UBR1: variants seen among roughly 807,000 people sequenced by gnomAD.
UBR1 encodes ubiquitin protein ligase E3 component n-recognin 1, also known as E3 ubiquitin-protein ligase UBR1.
UBR1 carries 102 observed loss-of-function variants against 242.1 expected under a neutral mutation model. That is an observed-to-expected ratio of 0.42 (90% CI 0.36 to 0.50). The LOEUF (loss-of-function observed/expected upper bound fraction) is 0.50, where lower values mean the gene tolerates loss of function less well. Among genes scored for constraint, UBR1 ranks in the 20% least tolerant of loss-of-function variants. The pLI, the probability that UBR1 is intolerant of heterozygous loss-of-function variation, is 0.01. For synonymous variants in UBR1, 675 were observed against 684.8 expected (o/e 0.99, Z 0.22); for missense variants, 1,772 against 2,101.8 (o/e 0.84, Z 3.07).
intron 1 of UBR1, among the ~76,000 whole-genome samples, chr15:43,099,064 C>T (rs893911381): frequency 2.6e-5 from 4 of 152,130 alleles, no homozygotes; most frequent in Non-Finnish European, 4.4e-5. Flanking sequence ...AGCCCAGGCA[C>T]GGTGGCTCAC....
chr15:43,006,415 C>T (rs1283691750), intron 30 of UBR1, among the ~76,000 whole-genome samples: 1 of 152,112 alleles, frequency 6.6e-6, no homozygotes, highest in Non-Finnish European at 1.5e-5. Context: ...TGTTGTGGAC[C>T]ACAGGCTCAT....
At chr15:43,099,258 A>G in intron 1 of UBR1, among the ~76,000 whole-genome samples, 1 of 151,784 alleles carries the variant, frequency 6.6e-6, no homozygotes, top group East Asian at 1.9e-4. Context: ...AATTGCTTGA[A>G]CCCAGGAGGC....
At chr15:43,029,061 G>T (rs1021697051) in intron 21 of UBR1, among the ~76,000 whole-genome samples, 1 of 151,686 alleles carries the variant, frequency 6.6e-6, no homozygotes, top group Middle Eastern at 3.4e-3. Context: ...CTCCAGCCTG[G>T]GTGACAGAGC....
At chr15:43,015,606 C>G in intron 29 of UBR1, 82 bp downstream of exon 29, 1 of 1,453,670 alleles carries the variant, frequency 6.9e-7, no homozygotes, top group Non-Finnish European at 9.5e-7. Flanking sequence ...CCTGCCAAAT[C>G]CCCCTCTCGG....
intron 5 of UBR1, among the ~76,000 whole-genome samples, chr15:43,070,174 T>C (rs888967571): frequency 2.0e-5 from 3 of 150,944 alleles, no homozygotes; most frequent in African/African-American, 7.3e-5. Context: ...AATTCCTCTT[T>C]GCATTTATAA....
intron 34 of UBR1, 32 bp from the exon 35 acceptor site, chr15:42,988,999 T>C: frequency 6.4e-7 from 1 of 1,556,936 alleles, no homozygotes; most frequent in Non-Finnish European, 8.8e-7. Flanking sequence ...TTGTATGATT[T>C]AGTAAAAGGA....
At chr15:43,102,939 C>A (rs2034256078) in intron 1 of UBR1, among the ~76,000 whole-genome samples, 2 of 152,198 alleles carry the variant, frequency 1.3e-5, no homozygotes, top group Admixed American at 6.5e-5. Context: ...GAGGCCAAGG[C>A]AGATGGATCA....
chr15:42,964,619 T>C (rs1281320073), intron 41 of UBR1, among the ~76,000 whole-genome samples: 24 of 152,210 alleles, frequency 1.6e-4, no homozygotes, highest in Non-Finnish European at 2.9e-5. Context: ...ACAAGGTCCC[T>C]ATCGTGGCCC....
chr15:43,103,470 T>C (rs1198065297), intron 1 of UBR1, among the ~76,000 whole-genome samples: 1 of 152,254 alleles, frequency 6.6e-6, no homozygotes, highest in Non-Finnish European at 1.5e-5. Context: ...TACACCACTA[T>C]TACAGAATCA....
intron 27 of UBR1, among the ~76,000 whole-genome samples, chr15:43,019,581 G>GT (rs1248631700): frequency 0.011 from 1,527 of 135,476 alleles, 31 homozygotes; most frequent in African/African-American, 0.021. Context: ...CTGGCTTCAG[G>GT]TTTTTTTTTT....
At chr15:43,087,980 A>T (rs977586563) in intron 1 of UBR1, among the ~76,000 whole-genome samples, 1 of 152,230 alleles carries the variant, frequency 6.6e-6, no homozygotes, top group African/African-American at 2.4e-5. Context: ...GTATCTGTAT[A>T]TGTTTATATT....
chr15:43,043,444 A>C, intron 14 of UBR1, 49 bp from the exon 15 acceptor site: 1 of 1,590,022 alleles, frequency 6.3e-7, no homozygotes, highest in Middle Eastern at 1.7e-4. Context: ...CTACTTTAAC[A>C]CTTTTTTTGT....
At chr15:43,028,261 A>C (rs2033202446) in intron 21 of UBR1, among the ~76,000 whole-genome samples, 2 of 152,204 alleles carry the variant, frequency 1.3e-5, no homozygotes. Flanking sequence ...ATAGCAATAC[A>C]TGTCTAGATG....
At chr15:43,080,126 A>G (rs941074505) in intron 3 of UBR1, among the ~76,000 whole-genome samples, 6 of 152,252 alleles carry the variant, frequency 3.9e-5, no homozygotes, top group Admixed American at 6.5e-5. Context: ...AAATTACTCA[A>G]TGCTACTGCC....
chr15:42,990,842 G>A (rs1028167415), intron 33 of UBR1, among the ~76,000 whole-genome samples: 1 of 152,104 alleles, frequency 6.6e-6, no homozygotes, highest in African/African-American at 2.4e-5. Flanking sequence ...GCCACTTACT[G>A]TTACTGCAAC....
intron 19 of UBR1, 78 bp downstream of exon 19, chr15:43,036,100 A>G (rs1042690109): frequency 3.1e-6 from 4 of 1,286,706 alleles, no homozygotes; most frequent in Admixed American, 1.7e-5. Flanking sequence ...ATGGCTAAAT[A>G]TGACTGAAAT....
intron 39 of UBR1, among the ~76,000 whole-genome samples, chr15:42,973,871 G>A (rs1304989029): frequency 7.5e-6 from 1 of 133,094 alleles, no homozygotes; most frequent in African/African-American, 2.8e-5. Context: ...GGTTTTCTAT[G>A]TTAACTTGTA....
chr15:42,949,384 C>T (rs2141247945), intron 46 of UBR1, among the ~76,000 whole-genome samples: 1 of 151,440 alleles, frequency 6.6e-6, no homozygotes, highest in East Asian at 1.9e-4. Flanking sequence ...ACATATGTAA[C>T]TAACCTGCAC....
chr15:43,001,167 GACGGAGT>G (rs2032718853), intron 32 of UBR1, among the ~76,000 whole-genome samples: 1 of 143,104 alleles, frequency 7.0e-6, no homozygotes, highest in Non-Finnish European at 1.5e-5. Context: ...TTTTTTTTGA[GACGGAGT>G]CTCACATTGT....
Sources: allele counts gnomAD v4.1 joint callset (sites outside exome capture counted in the v4.1 genomes callset), GRCh38; gene constraint gnomAD v4.1.1; transcripts MANE v1.5; gene names NCBI Gene and HGNC (gene_info 2026-07-23, HGNC 2026-07-21).